The following RBM5 variants were observed in gnomAD, a reference collection of about 807,000 sequenced individuals.
The protein encoded by RBM5 is RNA binding motif protein 5, also known as RNA-binding protein 5.
Under a neutral mutation model 124.6 loss-of-function variants are expected in RBM5, and 15 were observed. That is an observed-to-expected ratio of 0.12 (90% CI 0.08 to 0.19). RBM5 has a LOEUF of 0.19. Among genes scored for constraint, RBM5 ranks in the 10% least tolerant of loss-of-function variants. The pLI, the probability that RBM5 is intolerant of heterozygous loss-of-function variation, is 1.00. For missense variants in RBM5, 580 were observed against 1,026.5 expected (o/e 0.57, Z 5.94); for synonymous variants, 337 against 361.2 (o/e 0.93, Z 0.76).
In RBM5 at chr3:50,100,411, T is replaced by G; in HGVS notation, c.410-121T>G. 1 of 828,206 alleles carries G rather than the reference T, an allele frequency of 1.2e-6. No homozygotes were observed. Among genetic ancestry groups the G allele is most frequent in the South Asian group, 1.8e-5 (1 of 54,992 alleles). 51.3% of individuals were successfully genotyped at this position (828,206 alleles called of 1,614,324 possible). A position where few individuals can be genotyped will look rare whatever the true frequency, so the allele number is the denominator to read the frequency against. On this transcript the variant is annotated intron_variant, in intron 5 of 24. Coordinates refer to ENST00000347869, the MANE Select transcript of RBM5 (RefSeq NM_005778.4). The surrounding 1 kb of genome is among the most constrained non-coding windows in gnomAD (Gnocchi z 5.1). ...GAAGATCCCCAAGTCAAGTCACATT[T>G]GTAAAGCTGCTTCCCAATTGGCTTT...
chr3:50,110,794 A>G (rs1333810429), intron 17 of RBM5, 24 bp downstream of exon 17: 1 of 1,557,712 alleles, frequency 6.4e-7, no homozygotes, highest in Non-Finnish European at 8.8e-7. Flanking sequence ...TTTCCTCCTC[A>G]ATTTCACTAG....
rs2091302326 is a variant in RBM5 at position 50,118,630 on chromosome 3, G to A, written c.*174G>A. On this transcript the variant is annotated 3_prime_UTR_variant, in exon 25 of 25. Transcript: ENST00000347869. ...CCTTAAAGAAGTTCCCCTTATGTGG[G>A]TTGCCTGGTGAATGGCCTTCCTTCC... The A allele has an allele frequency of 1.9e-6, 2 of 1,044,858 alleles. No homozygotes were observed. Among genetic ancestry groups the A allele is most frequent in the Non-Finnish European group, 2.7e-6 (2 of 737,140 alleles). The allele number at this position is 1,044,858 out of a possible 1,614,324, so 64.7% of individuals were successfully genotyped here. A position where few individuals can be genotyped will look rare whatever the true frequency, so the allele number is the denominator to read the frequency against.
At position 50,118,525 on chromosome 3, in the gene RBM5, C is replaced by T; in HGVS notation, c.*69C>T. ...CCATCTCCCGAATTCGCTGTTACCG[C>T]CTGTCTCTTTAAGGGCATGCCTTGT... On this transcript the variant is annotated 3_prime_UTR_variant, in exon 25 of 25. Coordinates refer to ENST00000347869, the MANE Select transcript of RBM5 (RefSeq NM_005778.4). 1 of 1,557,708 alleles carries T rather than the reference C, an allele frequency of 6.4e-7. No homozygotes were observed. Among genetic ancestry groups the T allele is most frequent in the Admixed American group, 1.9e-5 (1 of 53,264 alleles).
intron 14 of RBM5, among the ~76,000 whole-genome samples, chr3:50,109,196 C>T (rs2091096715): frequency 6.6e-6 from 1 of 152,138 alleles, no homozygotes; most frequent in South Asian, 2.1e-4. Flanking sequence ...GCCTTAGCCT[C>T]ACAAGTAGCT....
chr3:50,093,474 G>A (rs2108986867), intron 3 of RBM5, among the ~76,000 whole-genome samples: 1 of 149,386 alleles, frequency 6.7e-6, no homozygotes, highest in Non-Finnish European at 1.5e-5. Context: ...AGCAGGCTGG[G>A]TGTGCCTATA....
At chr3:50,104,099 T>C (rs746795515) in intron 7 of RBM5, 149 bp from the exon 8 acceptor site, 34 of 629,662 alleles carry the variant, frequency 5.4e-5, no homozygotes, top group Non-Finnish European at 9.3e-5. Flanking sequence ...ACATTCTGAA[T>C]TTTTTAGGTT....
intron 7 of RBM5, among the ~76,000 whole-genome samples, chr3:50,103,453 C>T (rs2090977717): frequency 6.6e-6 from 1 of 152,114 alleles, no homozygotes; most frequent in African/African-American, 2.4e-5. Flanking sequence ...TAGAGACCAG[C>T]CTGGCCAACA....
chr3:50,092,755 A>T (rs1457368413), intron 3 of RBM5: 1 of 452,634 alleles, frequency 2.2e-6, no homozygotes. Context: ...TGAATGATAA[A>T]TATAAGTTGT....
At position 50,093,780 on chromosome 3, in the gene RBM5, T is replaced by A. The variant is rs1322885651; in HGVS notation, c.244T>A (p.Tyr82Asn). The change falls in exon 4 of 25, where the codon TAT (tyrosine) becomes AAT (asparagine). Residue 82 changes from tyrosine (Y) to asparagine (N), a missense_variant. Physicochemically the swap from Tyr to Asn is moderately radical, Grantham distance 143. Transcript: ENST00000347869. ...SEDGYHSDGD[Y>N]GEHDYRHDIS... ...AGATGGCTACCATTCAGATGGTGAC[T>A]ATGGTGAGCACGACTATAGGCATGA... The A allele has an allele frequency of 1.2e-6, 2 of 1,613,876 alleles. No homozygotes were observed. Among genetic ancestry groups the A allele is most frequent in the Non-Finnish European group, 1.7e-6 (2 of 1,179,944 alleles).
intron 11 of RBM5, 83 bp downstream of exon 11, chr3:50,106,947 C>T (rs1473336437): frequency 1.7e-6 from 2 of 1,180,426 alleles, no homozygotes; most frequent in Non-Finnish European, 2.5e-6. Flanking sequence ...AGCCTGTGCC[C>T]CAAGTATGTT....
chr3:50,107,994 T>C, intron 12 of RBM5, 76 bp from the exon 13 acceptor site: 1 of 1,274,228 alleles, frequency 7.8e-7, no homozygotes, highest in Non-Finnish European at 1.1e-6. Flanking sequence ...CATCATGAGC[T>C]CATTTTTAGG....
At chr3:50,103,213 G>A (rs201739036) in intron 7 of RBM5, 47 bp downstream of exon 7, 12 of 1,416,504 alleles carry the variant, frequency 8.5e-6, no homozygotes, top group Middle Eastern at 1.8e-4. Context: ...TTAGGATATT[G>A]CTGTTTTTTT....
intron 17 of RBM5, among the ~76,000 whole-genome samples, chr3:50,111,596 A>C (rs2091146156): frequency 6.6e-6 from 1 of 151,974 alleles, no homozygotes; most frequent in Admixed American, 6.6e-5. Context: ...GCTGGTCTCG[A>C]ACTCCTGACC....
chr3:50,094,845 G>A (rs1302551412), intron 4 of RBM5, among the ~76,000 whole-genome samples: 1 of 152,154 alleles, frequency 6.6e-6, no homozygotes, highest in Non-Finnish European at 1.5e-5. Flanking sequence ...ATCTATCTCA[G>A]CTAGTGAAAT....
rs1450552712 is a variant in RBM5, at chr3:50,093,739, A to G, written c.203A>G (p.Asn68Ser). ...ACTCAGAGAGAGCGTGAAAGAAGGAACAGTGACCGATCCGAAGATGGCTAC... is the reference window on the plus strand; with the variant it reads ...ACTCAGAGAGAGCGTGAAAGAAGGAGCAGTGACCGATCCGAAGATGGCTAC... ...DSPERERERR[N>S]SDRSEDGYHS... The change falls in exon 4 of 25, where the codon AAC becomes AGC. Residue 68 changes from asparagine to serine, a missense_variant. Asn to Ser is a conservative substitution (Grantham distance 46). This residue lies in a region of RBM5 where 99 missense variants were observed against 121.1 expected (regional missense o/e 0.82). Transcript: ENST00000347869. The G allele has an allele frequency of 1.2e-6, 2 of 1,613,708 alleles. No homozygotes were observed.
intron 4 of RBM5, among the ~76,000 whole-genome samples, chr3:50,097,441 A>G (rs1485287479): frequency 6.6e-6 from 1 of 152,050 alleles, no homozygotes; most frequent in Admixed American, 6.6e-5. Flanking sequence ...TGAGTGTTAG[A>G]AATTTTAATG....
chr3:50,111,247 A>G (rs2091137730), intron 17 of RBM5, among the ~76,000 whole-genome samples: 2 of 152,196 alleles, frequency 1.3e-5, no homozygotes, highest in African/African-American at 4.8e-5. Flanking sequence ...TAGAGTGTAC[A>G]AATCAGTGGC....
chr3:50,114,342 A>G (rs2091202210), intron 20 of RBM5, 91 bp downstream of exon 20: 1 of 1,272,726 alleles, frequency 7.9e-7, no homozygotes, highest in African/African-American at 1.5e-5. Context: ...TGTGATTCCT[A>G]CTTAAAACTG....
chr3:50,105,285 G>C (rs934549820), intron 9 of RBM5, 143 bp downstream of exon 9: 2 of 687,524 alleles, frequency 2.9e-6, no homozygotes, highest in South Asian at 2.3e-5. Context: ...GCACACACCT[G>C]TAATCCCAGC....
Sources: allele counts gnomAD v4.1 joint callset (sites outside exome capture counted in the v4.1 genomes callset), GRCh38; gene constraint gnomAD v4.1.1; regional missense constraint gnomAD v4.1.1; non-coding constraint Gnocchi (gnomAD v3.1); transcripts MANE v1.5; gene names NCBI Gene and HGNC (gene_info 2026-07-23, HGNC 2026-07-21).